PRDM16: variants seen among roughly 807,000 people sequenced by gnomAD.
The protein encoded by PRDM16 is histone-lysine N-methyltransferase PRDM16.
Under a neutral mutation model 110.6 loss-of-function variants are expected in PRDM16, and 23 were observed. The observed-to-expected ratio is 0.21, with a 90% CI of 0.15 to 0.29. The LOEUF (loss-of-function observed/expected upper bound fraction) is 0.29, where lower values mean the gene tolerates loss of function less well. Ranked by LOEUF, PRDM16 falls within the 10% of genes least tolerant of loss-of-function variation. PRDM16 has a pLI of 1.00. For missense variants in PRDM16, 1,615 were observed against 1,794.3 expected (o/e 0.90, Z 1.81); for synonymous variants, 799 against 781.8 (o/e 1.02, Z -0.37).
At chr1:3,312,076 C>T (rs751423944) in intron 3 of PRDM16, among the ~76,000 whole-genome samples, 33 of 152,338 alleles carry the variant, frequency 2.2e-4, no homozygotes, top group Admixed American at 5.2e-4. Flanking sequence ...CATCGCAGCC[C>T]GGCTGCTCCC....
At chr1:3,140,449 C>T (rs1214735637) in intron 1 of PRDM16, among the ~76,000 whole-genome samples, 1 of 152,104 alleles carries the variant, frequency 6.6e-6, no homozygotes, top group Non-Finnish European at 1.5e-5. Context: ...GATCCGGAGC[C>T]CAAGCTCTCT....
intron 3 of PRDM16, among the ~76,000 whole-genome samples, chr1:3,321,828 G>A (rs1244277947): frequency 2.6e-5 from 4 of 150,992 alleles, no homozygotes; most frequent in Non-Finnish European, 5.9e-5. Context: ...ATGTGTACAT[G>A]TGTGCATTTG....
intron 3 of PRDM16, among the ~76,000 whole-genome samples, chr1:3,321,798 G>A (rs552027803): frequency 4.5e-4 from 67 of 149,236 alleles, no homozygotes; most frequent in African/African-American, 9.1e-4. Context: ...GCAAGTGTGC[G>A]TGCGTGTGTG....
Position 3,157,267 on chromosome 1 carries a change from G to A in PRDM16, c.38-28858G>A, listed in dbSNP as rs2100733719. On this transcript the variant is annotated intron_variant, in intron 1 of 16. Coordinates refer to ENST00000270722, the MANE Select transcript of PRDM16 (RefSeq NM_022114.4). This position sits in a 1 kb window ranked among gnomAD's most constrained non-coding sequence, Gnocchi z 4.8. ...CGGCAGATGAAATCCAGGACACCCA[G>A]TTCAATTTGAATTTCAGATACACAG... Among the ~76,000 whole-genome samples, 1 of 152,300 alleles carries A rather than the reference G, an allele frequency of 6.6e-6. No homozygotes were observed. The highest frequency in any genetic ancestry group is 1.9e-4 in the East Asian group (1 of 5,164).
intron 3 of PRDM16, among the ~76,000 whole-genome samples, chr1:3,331,258 T>TGG (rs60666748): frequency 4.6e-5 from 7 of 151,276 alleles, no homozygotes; most frequent in African/African-American, 1.7e-4. Context: ...CCTGCCAGCC[T>TGG]GGGGGGGGCG....
At chr1:3,421,084 C>T (rs995109698) in intron 12 of PRDM16, among the ~76,000 whole-genome samples, 13 of 152,364 alleles carry the variant, frequency 8.5e-5, no homozygotes, top group East Asian at 5.8e-4. Flanking sequence ...GGGCTGCACG[C>T]GGCCCGTGCA....
intron 3 of PRDM16, among the ~76,000 whole-genome samples, chr1:3,366,334 G>A (rs983544726): frequency 6.6e-6 from 1 of 152,228 alleles, no homozygotes; most frequent in African/African-American, 2.4e-5. Context: ...TGACGGGAAG[G>A]CACGCACTCT....
intron 2 of PRDM16, among the ~76,000 whole-genome samples, chr1:3,234,297 A>C (rs188335277): frequency 3.3e-5 from 5 of 152,136 alleles, no homozygotes; most frequent in African/African-American, 1.2e-4. Context: ...GCTCAAATCC[A>C]GACAGTCCTG....
rs185737597 is a variant in PRDM16 at position 3,287,727 on chromosome 1, T to C, written c.438+43590T>C. ...CGCCACGCGGACATCCAGGATTGCA[T>C]TTACCGGGGCTGGAGCTGCCCCTGC... is the stretch of plus-strand genomic sequence containing the variant. On this transcript the variant is annotated intron_variant, in intron 3 of 16. Transcript: ENST00000270722. 1.3e-3 allele frequency among the ~76,000 whole-genome samples: 167 copies of C among 129,672 alleles called. 3 individuals are homozygous for C. Among genetic ancestry groups the C allele is most frequent in the Non-Finnish European group, 2.2e-3 (134 of 61,468 alleles). The allele number at this position is 129,672 out of a possible 152,430, so 85.1% of individuals were successfully genotyped here.
Position 3,166,440 on chromosome 1 carries a change from G to A in PRDM16, c.38-19685G>A, listed in dbSNP as rs187501224. Among the ~76,000 whole-genome samples the A allele has an allele frequency of 7.2e-4, 110 of 152,366 alleles. 1 individual carries two copies. Among genetic ancestry groups the A allele is most frequent in the Non-Finnish European group, 8.1e-4 (55 of 68,038 alleles). On this transcript the variant is annotated intron_variant, in intron 1 of 16. Transcript: ENST00000270722. The stretch of plus-strand genomic sequence containing the variant: ...GCCAAACGCTGAGGCGCGTCCGGGC[G>A]AGGCTCACACGTGCTGCCAGGTGAC...
In PRDM16 at chr1:3,186,110, C is replaced by T. The variant is rs9662053; in HGVS notation, c.38-15C>T. The T allele has an allele frequency of 1.2e-3, 1,951 of 1,602,442 alleles. 28 individuals carry two copies. The African/African-American group carries it at 0.021, about 17-fold the overall frequency. ...GCACGTGCTGCAGAGGTTGACGCTG[C>T]GTTGTCTCCTTTAGGTGACGGTGAC... On this transcript the variant is annotated splice_polypyrimidine_tract_variant and intron_variant, in intron 1 of 16. Coordinates refer to ENST00000270722, the MANE Select transcript of PRDM16 (RefSeq NM_022114.4).
At chr1:3,140,385 A>G (rs1569664628) in intron 1 of PRDM16, among the ~76,000 whole-genome samples, 1 of 152,228 alleles carries the variant, frequency 6.6e-6, no homozygotes, top group African/African-American at 2.4e-5. Context: ...ACTCAGGATG[A>G]GCGCAGAGGC....
intron 1 of PRDM16, among the ~76,000 whole-genome samples, chr1:3,169,714 C>T (rs865790286): frequency 2.0e-5 from 3 of 152,262 alleles, no homozygotes. Context: ...CCACTTCCAC[C>T]GTCTCTGGCT....
At chr1:3,110,364 A>G (rs1642761763) in intron 1 of PRDM16, among the ~76,000 whole-genome samples, 1 of 145,424 alleles carries the variant, frequency 6.9e-6, no homozygotes, top group African/African-American at 2.6e-5. Context: ...GGGTGTGGGG[A>G]CACAGTGTCT....
At position 3,288,362 on chromosome 1, in the gene PRDM16, C is replaced by G. The variant is rs575420089; in HGVS notation, c.438+44225C>G. ...GCTGGGACCCTTCCCACTCCCCGCT[C>G]TGTCTCTCTCCACCTCAGTTTCCAG... On this transcript the variant is annotated intron_variant, in intron 3 of 16. Coordinates refer to ENST00000270722, the MANE Select transcript of PRDM16 (RefSeq NM_022114.4). 5.9e-5 allele frequency among the ~76,000 whole-genome samples: 9 copies of G among 152,328 alleles called. No individual in the cohort carries two copies. The East Asian group carries it at 1.7e-3, about 29-fold the overall frequency.
intron 3 of PRDM16, among the ~76,000 whole-genome samples, chr1:3,322,216 A>AGCATGTGCACGTGTGTGTGTGG (rs1553163129): frequency 2.0e-5 from 3 of 147,010 alleles, no homozygotes; most frequent in Non-Finnish European, 4.5e-5. Flanking sequence ...TGTGTGTGTG[A>AGCATGTGCACGTGTGTGTGTGG]GCATGTGCAC....
At chr1:3,272,147 C>T (rs185434577) in intron 3 of PRDM16, among the ~76,000 whole-genome samples, 155 of 152,330 alleles carry the variant, frequency 1.0e-3, no homozygotes, top group African/African-American at 3.6e-3. Context: ...ATCTGGCTCA[C>T]GGTTTCCTCC....
chr1:3,261,647 C>A (rs531575690), intron 3 of PRDM16, among the ~76,000 whole-genome samples: 22 of 152,264 alleles, frequency 1.4e-4, no homozygotes, highest in Non-Finnish European at 2.4e-4. Flanking sequence ...CACACCAGAC[C>A]CACCTAACTG....
intron 3 of PRDM16, among the ~76,000 whole-genome samples, chr1:3,324,948 T>C (rs1158698329): frequency 6.6e-6 from 1 of 152,016 alleles, no homozygotes; most frequent in Non-Finnish European, 1.5e-5. Context: ...AAAATACTGA[T>C]GTCCTGGGGG....
Sources: gnomAD v4.1 joint callset for allele counts (sites outside exome capture counted in the v4.1 genomes callset) on GRCh38, gnomAD v4.1.1 for gene constraint, Gnocchi (gnomAD v3.1) non-coding constraint, MANE v1.5 for transcripts, NCBI Gene and HGNC (gene_info 2026-07-23, HGNC 2026-07-21) for gene names.